RGS5: variants seen among roughly 807,000 people sequenced by gnomAD.
The protein encoded by RGS5 is regulator of G protein signaling 5.
A neutral mutation model predicts 18.9 loss-of-function variants in RGS5; 20 were observed. The ratio of observed to expected loss-of-function variants is 1.06; its 90% CI spans 0.74 to 1.54. The LOEUF is 1.54. Among genes scored for constraint, RGS5 ranks in the 40% most tolerant of loss-of-function variants. RGS5 has a pLI of 0.00. For synonymous variants in RGS5, 57 were observed against 76.2 expected (o/e 0.75, Z 1.31); for missense variants, 201 against 211.8 (o/e 0.95, Z 0.32).
At chr1:163,278,987 T>C (rs901672233) in intron 2 of RGS5, among the ~76,000 whole-genome samples, 3 of 152,032 alleles carry the variant, frequency 2.0e-5, no homozygotes, top group Admixed American at 2.0e-4. Flanking sequence ...AGCAAGACGC[T>C]ATAACATTTT....
chr1:163,311,287 TC>T (rs1649853687), intron 1 of RGS5, among the ~76,000 whole-genome samples: 2 of 152,326 alleles, frequency 1.3e-5, no homozygotes, highest in South Asian at 4.1e-4. Flanking sequence ...GCTGATTTGA[TC>T]TATCCAGACC....
At chr1:163,303,482 A>G (rs1649617003) in intron 2 of RGS5, among the ~76,000 whole-genome samples, 1 of 152,220 alleles carries the variant, frequency 6.6e-6, no homozygotes, top group Admixed American at 6.5e-5. Context: ...CTAACACTCA[A>G]TTACACACCT....
At chr1:163,285,298 T>C (rs772803457) in intron 2 of RGS5, among the ~76,000 whole-genome samples, 5 of 152,184 alleles carry the variant, frequency 3.3e-5, no homozygotes, top group Non-Finnish European at 5.9e-5. Context: ...CTCATGCCTG[T>C]AATCCCAGCA....
At chr1:163,280,288 T>C (rs1305467540) in intron 2 of RGS5, among the ~76,000 whole-genome samples, 2 of 151,946 alleles carry the variant, frequency 1.3e-5, no homozygotes, top group Non-Finnish European at 2.9e-5. Flanking sequence ...TGAAACTCAA[T>C]AACATCAAAA....
chr1:163,146,064 A>G lies in RGS5; in HGVS notation c.*1278T>C, dbSNP rs879874312. 6.6e-6 allele frequency: 1 copy of G among 152,138 alleles called. No homozygotes were observed. Among genetic ancestry groups the G allele is most frequent in the Non-Finnish European group, 1.5e-5 (1 of 68,008 alleles). 9.4% of individuals were successfully genotyped at this position (152,138 alleles called of 1,614,324 possible). On this transcript the variant is annotated 3_prime_UTR_variant, in exon 5 of 5. Transcript: ENST00000313961. ...AAAGATTAGAAAAAATTCTAGCAAG[A>G]CTTATAATCATGAAATACAGAATTA...
At chr1:163,195,698 T>C (rs1240507141) in intron 1 of RGS5, among the ~76,000 whole-genome samples, 3 of 151,782 alleles carry the variant, frequency 2.0e-5, no homozygotes, top group Non-Finnish European at 4.4e-5. Flanking sequence ...GAGGTTATGA[T>C]GAGGAAGGAT....
At chr1:163,170,725 C>T (rs1200963066) in intron 1 of RGS5, among the ~76,000 whole-genome samples, 2 of 151,874 alleles carry the variant, frequency 1.3e-5, no homozygotes, top group Non-Finnish European at 2.9e-5. Context: ...TTTTGTTCTG[C>T]TTTCACTCTT....
intron 2 of RGS5, chr1:163,304,723 G>C (rs951388305): frequency 2.6e-5 from 4 of 152,218 alleles, no homozygotes; most frequent in Admixed American, 6.5e-5. Context: ...TGTTAAGTAA[G>C]TGTTTTGTTA....
intron 2 of RGS5, among the ~76,000 whole-genome samples, chr1:163,250,915 T>C (rs1023418805): frequency 3.3e-5 from 5 of 152,102 alleles, no homozygotes; most frequent in Non-Finnish European, 7.4e-5. Flanking sequence ...ATTGGAAAAA[T>C]AGTTTTTCCT....
chr1:163,157,439 A>G (rs2940247), intron 3 of RGS5, among the ~76,000 whole-genome samples: 85,825 of 152,028 alleles, frequency 0.56, 26,209 homozygotes, highest in South Asian at 0.72. Flanking sequence ...TATTTTAAAA[A>G]TGAAGGAAAG....
In RGS5 at chr1:163,168,618, G is replaced by A. The variant is rs1165165456; in HGVS notation, c.45-250C>T. 3.3e-5 allele frequency among the ~76,000 whole-genome samples: 5 copies of A among 151,990 alleles called. No individual in the cohort carries two copies. In the East Asian group the frequency reaches 9.6e-4, roughly 29 times the overall value. ...TAATCCTCATTATTGTTTTATATGT[G>A]TTCTCTCATTTTATATCTGCAGACA... On this transcript the variant is annotated intron_variant, in intron 1 of 4. Coordinates refer to ENST00000313961, the MANE Select transcript of RGS5 (RefSeq NM_003617.4).
chr1:163,187,718 C>T (rs953800591), intron 1 of RGS5, among the ~76,000 whole-genome samples: 1 of 152,162 alleles, frequency 6.6e-6, no homozygotes, highest in Admixed American at 6.5e-5. Context: ...AGTGTCTCTT[C>T]CTCTGTATCC....
chr1:163,253,226 A>G (rs1413968101), intron 2 of RGS5, among the ~76,000 whole-genome samples: 1 of 152,194 alleles, frequency 6.6e-6, no homozygotes, highest in East Asian at 1.9e-4. Context: ...TCTGAAATCT[A>G]CATACCAGTT....
intron 2 of RGS5, among the ~76,000 whole-genome samples, chr1:163,222,664 G>C (rs562897419): frequency 7.9e-5 from 12 of 152,304 alleles, no homozygotes; most frequent in Non-Finnish European, 7.4e-5. Flanking sequence ...CAGAGCAACA[G>C]AGAAGATTCT....
At chr1:163,265,978 C>CA (rs989963068) in intron 2 of RGS5, among the ~76,000 whole-genome samples, 1 of 152,154 alleles carries the variant, frequency 6.6e-6, no homozygotes, top group African/African-American at 2.4e-5. Flanking sequence ...ATTACACTTT[C>CA]AGCCTATACT....
intron 1 of RGS5, among the ~76,000 whole-genome samples, chr1:163,310,031 C>T (rs1270664153): frequency 6.6e-6 from 1 of 152,058 alleles, no homozygotes; most frequent in African/African-American, 2.4e-5. Flanking sequence ...TTTCCAGTCT[C>T]GACAGAGTCT....
chr1:163,294,953 C>A (rs1649387495), intron 2 of RGS5, among the ~76,000 whole-genome samples: 1 of 152,184 alleles, frequency 6.6e-6, no homozygotes. Context: ...TAAAGCATAG[C>A]AAGAGTCACC....
At chr1:163,276,597 C>A (rs1370210757) in intron 2 of RGS5, among the ~76,000 whole-genome samples, 1 of 152,128 alleles carries the variant, frequency 6.6e-6, no homozygotes, top group East Asian at 1.9e-4. Context: ...TTTTATATTA[C>A]TTAAACATTT....
chr1:163,227,594 C>A (rs565476702), intron 2 of RGS5, among the ~76,000 whole-genome samples: 1 of 151,794 alleles, frequency 6.6e-6, no homozygotes, highest in South Asian at 2.1e-4. Context: ...CCACCCCTCC[C>A]AAATCTCATG....
Sources: allele counts gnomAD v4.1 joint callset (sites outside exome capture counted in the v4.1 genomes callset), GRCh38; gene constraint gnomAD v4.1.1; transcripts MANE v1.5; gene names NCBI Gene and HGNC (gene_info 2026-07-23, HGNC 2026-07-21).